Variants in MOK observed in about 807,000 individuals in gnomAD.
The protein encoded by MOK is MOK protein kinase, also known as MAPK/MAK/MRK overlapping kinase.
A neutral mutation model predicts 54.2 loss-of-function variants in MOK; 59 were observed. That is an observed-to-expected ratio of 1.09 (90% confidence interval 0.88 to 1.35). MOK has a LOEUF of 1.35. MOK is among the 40% of genes most tolerant of loss of function. MOK has a pLI of 0.00. For synonymous variants in MOK, 210 were observed against 202.7 expected (o/e 1.04, Z -0.31); for missense variants, 517 against 526.2 (o/e 0.98, Z 0.17).
At chr14:102,233,369 T>C in intron 8 of MOK, 1 of 297,472 alleles carries the variant, frequency 3.4e-6, no homozygotes, top group Non-Finnish European at 6.4e-6. Context: ...CTATGCTCTG[T>C]GCTTGGGGAA....
intron 7 of MOK, among the ~76,000 whole-genome samples, chr14:102,237,332 C>T (rs1363462054): frequency 6.6e-6 from 1 of 152,208 alleles, no homozygotes; most frequent in Non-Finnish European, 1.5e-5. Context: ...TATAGAGTCT[C>T]CCCCTCCGAA....
intron 2 of MOK, among the ~76,000 whole-genome samples, chr14:102,279,070 A>G (rs2069153727): frequency 6.6e-6 from 1 of 152,192 alleles, no homozygotes; most frequent in African/African-American, 2.4e-5. Context: ...GATTGCATGA[A>G]CTAAAATGGA....
At chr14:102,254,712 C>G (rs923768805) in intron 4 of MOK, among the ~76,000 whole-genome samples, 2 of 152,202 alleles carry the variant, frequency 1.3e-5, no homozygotes, top group African/African-American at 4.8e-5. Flanking sequence ...TGGGGCCCCA[C>G]AGTCGCCTAA....
At chr14:102,246,788 T>C (rs760850825) in intron 7 of MOK, among the ~76,000 whole-genome samples, 3 of 152,054 alleles carry the variant, frequency 2.0e-5, no homozygotes, top group African/African-American at 7.2e-5. Context: ...GTAGGAACCG[T>C]AACAACCCAC....
intron 4 of MOK, among the ~76,000 whole-genome samples, chr14:102,258,950 C>G (rs1300511912): frequency 6.6e-6 from 1 of 151,986 alleles, no homozygotes; most frequent in African/African-American, 2.4e-5. Flanking sequence ...CCTGTAATCC[C>G]AGCTACTCGG....
chr14:102,229,542 G>T lies in MOK; in HGVS notation c.1097C>A (p.Pro366His). 6.2e-7 allele frequency: 1 copy of T among 1,614,170 alleles called. No homozygotes were observed. Among genetic ancestry groups the T allele is most frequent in the Non-Finnish European group, 8.5e-7 (1 of 1,180,024 alleles). Residue 366 changes from proline to histidine, a missense_variant, in exon 11 of 12, where the codon CCC becomes CAC. Pro to His is a moderately conservative substitution (Grantham distance 77, BLOSUM62 -2). Transcript: ENST00000361847. ...AGATCCAAGCACGGACTGCAGCGTGGGGCTGGAGTAAGACGACAGTCTGAC... is the reference window on the plus strand; with the variant it reads ...AGATCCAAGCACGGACTGCAGCGTGTGGCTGGAGTAAGACGACAGTCTGAC... Reference protein sequence around the residue: ...GVVRLSSYSSPTLQSVLGSGT... With the variant: ...GVVRLSSYSSHTLQSVLGSGT...
chr14:102,263,761 A>G (rs2067665648), intron 3 of MOK, 145 bp from the exon 4 acceptor site: 1 of 474,686 alleles, frequency 2.1e-6, no homozygotes, highest in African/African-American at 2.0e-5. Context: ...GAAACAGTAA[A>G]GGTTTTGATT....
At chr14:102,265,748 A>C in intron 3 of MOK, 75 bp downstream of exon 3, 49 of 1,162,464 alleles carry the variant, frequency 4.2e-5, no homozygotes, top group Non-Finnish European at 6.1e-5. Flanking sequence ...CAAAATGTCT[A>C]CCATGGTTTT....
At chr14:102,229,883 C>G in intron 10 of MOK, 1 of 554,184 alleles carries the variant, frequency 1.8e-6, no homozygotes, top group Admixed American at 3.5e-5. Flanking sequence ...AGAATGCCGA[C>G]TGCAAGCTGA....
intron 2 of MOK, among the ~76,000 whole-genome samples, chr14:102,271,434 C>A (rs983283982): frequency 1.3e-5 from 2 of 152,110 alleles, no homozygotes; most frequent in African/African-American, 4.8e-5. Flanking sequence ...GACAATTTCA[C>A]TGGTGAATTA....
chr14:102,301,611 G>C (rs1026385219), intron 1 of MOK, among the ~76,000 whole-genome samples: 1 of 152,078 alleles, frequency 6.6e-6, no homozygotes, highest in Admixed American at 6.6e-5. Context: ...CTATAACTCT[G>C]TCTCTGTGAT....
In MOK at chr14:102,231,697, C is replaced by A. The variant is rs7152076; in HGVS notation, c.981+10G>T. ...GCTAGGCAGTCTCCGGCTCCGATTT[C>A]GCTTAGTACCTGCTTTCTGCCCTCC... On this transcript the variant is annotated intron_variant, in intron 10 of 11. Transcript: ENST00000361847. This position sits in a 1 kb window ranked among gnomAD's most constrained non-coding sequence, Gnocchi z 4.4. 1 of 1,606,508 alleles carries A rather than the reference C, an allele frequency of 6.2e-7. No individual in the cohort carries two copies. The highest frequency in any genetic ancestry group is 1.1e-5 in the South Asian group (1 of 90,754).
chr14:102,252,593 G>A lies in MOK; in HGVS notation c.284-598C>T, dbSNP rs976487337. ...TTACATCCTCAACTATGTATTAGTA[G>A]CACCATGTAATTTTTAGAATTGTCA... is the stretch of plus-strand genomic sequence containing the variant. On this transcript the variant is annotated intron_variant, in intron 4 of 11. Transcript: ENST00000361847. Among the ~76,000 whole-genome samples the A allele has an allele frequency of 2.6e-5, 4 of 152,092 alleles. No individual in the cohort carries two copies. The East Asian group carries it at 7.7e-4, about 29-fold the overall frequency.
intron 1 of MOK, among the ~76,000 whole-genome samples, chr14:102,304,095 T>C (rs2072521950): frequency 6.6e-6 from 1 of 152,212 alleles, no homozygotes; most frequent in East Asian, 1.9e-4. Context: ...AAAAATGCCT[T>C]GTAAAGGGTG....
At chr14:102,272,736 C>A (rs2068481493) in intron 2 of MOK, among the ~76,000 whole-genome samples, 1 of 152,150 alleles carries the variant, frequency 6.6e-6, no homozygotes, top group Non-Finnish European at 1.5e-5. Context: ...TCTCAGCAAG[C>A]TATTCATGAA....
chr14:102,284,236 T>C (rs543634892), intron 1 of MOK, among the ~76,000 whole-genome samples: 1 of 151,894 alleles, frequency 6.6e-6, no homozygotes, highest in Admixed American at 6.6e-5. Flanking sequence ...TGATGTGGGG[T>C]GCTGCTGTGA....
At chr14:102,254,786 C>G (rs927001260) in intron 4 of MOK, among the ~76,000 whole-genome samples, 11 of 152,188 alleles carry the variant, frequency 7.2e-5, no homozygotes, top group South Asian at 2.1e-4. Context: ...CCCACCACCC[C>G]CTTCTTGTTT....
chr14:102,273,293 A>T (rs564804746), intron 2 of MOK, among the ~76,000 whole-genome samples: 18 of 150,594 alleles, frequency 1.2e-4, no homozygotes, highest in South Asian at 2.1e-4. Flanking sequence ...AAAAAAAAAA[A>T]AAATAAGTGA....
intron 7 of MOK, among the ~76,000 whole-genome samples, chr14:102,242,881 T>C (rs994464643): frequency 6.6e-6 from 1 of 152,122 alleles, no homozygotes; most frequent in Non-Finnish European, 1.5e-5. Flanking sequence ...AAACATGCTT[T>C]CTTTACTATT....
Sources: allele counts gnomAD v4.1 joint callset (sites outside exome capture counted in the v4.1 genomes callset), GRCh38; gene constraint gnomAD v4.1.1; non-coding constraint Gnocchi (gnomAD v3.1); transcripts MANE v1.5; gene names NCBI Gene and HGNC (gene_info 2026-07-23, HGNC 2026-07-21).